SPAST: variants seen among roughly 807,000 people sequenced by gnomAD.
The protein encoded by SPAST is spastin.
In SPAST, 30 loss-of-function variants were observed where a neutral mutation model predicts 76.6. The observed-to-expected ratio is 0.39, with a 90% CI of 0.29 to 0.53. SPAST has a LOEUF of 0.53. SPAST is among the 20% of genes least tolerant of loss of function. The pLI, the probability that SPAST is intolerant of heterozygous loss-of-function variation, is 0.68. For missense variants in SPAST, 717 were observed against 770.5 expected, an observed-to-expected ratio of 0.93 and a Z score of 0.82; for synonymous variants, 305 against 281.0, an observed-to-expected ratio of 1.09 and a Z score of -0.86.
At chr2:32,082,780 T>G (rs182511868) in intron 1 of SPAST, among the ~76,000 whole-genome samples, 236 of 152,328 alleles carry the variant, frequency 1.5e-3, no homozygotes, top group Non-Finnish European at 2.5e-3. Flanking sequence ...ATGTAGCCTT[T>G]TGTGTCTCGC....
chr2:32,126,896 A>T, intron 7 of SPAST, 52 bp from the exon 8 acceptor site: 1 of 1,246,610 alleles, frequency 8.0e-7, no homozygotes, highest in Non-Finnish European at 1.2e-6. Context: ...GGCAAAGAGT[A>T]CTTAAAATGT....
At chr2:32,136,475 TC>T in intron 9 of SPAST, 87 bp from the exon 10 acceptor site, 1 of 985,604 alleles carries the variant, frequency 1.0e-6, no homozygotes, top group Non-Finnish European at 1.6e-6. Flanking sequence ...GAAATTAAAT[TC>T]CTGTGTGCTA....
chr2:32,076,588 G>A (rs533804346), intron 1 of SPAST, among the ~76,000 whole-genome samples: 81 of 152,078 alleles, frequency 5.3e-4, no homozygotes, highest in African/African-American at 1.9e-3. Context: ...ATTAATCAGG[G>A]GCTATTAGTA....
intron 7 of SPAST, among the ~76,000 whole-genome samples, chr2:32,126,044 C>G (rs1435775250): frequency 6.6e-6 from 1 of 152,182 alleles, no homozygotes; most frequent in African/African-American, 2.4e-5. Flanking sequence ...ATCCGCCCGC[C>G]TTGGCCTCCC....
intron 1 of SPAST, among the ~76,000 whole-genome samples, chr2:32,069,388 C>T (rs1676656973): frequency 6.6e-6 from 1 of 151,902 alleles, no homozygotes. Flanking sequence ...ACCTTAGTTC[C>T]AAGAGAATGT....
chr2:32,123,487 C>T (rs1679085462), intron 7 of SPAST, among the ~76,000 whole-genome samples: 1 of 152,130 alleles, frequency 6.6e-6, no homozygotes, highest in Non-Finnish European at 1.5e-5. Context: ...AGTGCAGTCC[C>T]AGTCAAACCC....
At chr2:32,142,502 C>T (rs1225087525) in intron 13 of SPAST, among the ~76,000 whole-genome samples, 15 of 152,138 alleles carry the variant, frequency 9.9e-5, no homozygotes, top group Admixed American at 9.8e-4. Flanking sequence ...GCAACCTTCA[C>T]CTCCTGGGTT....
chr2:32,084,143 A>G (rs1240886422), intron 1 of SPAST, among the ~76,000 whole-genome samples: 1 of 151,716 alleles, frequency 6.6e-6, no homozygotes, highest in Non-Finnish European at 1.5e-5. Flanking sequence ...GTGACAAACT[A>G]TGACTCAATA....
At chr2:32,064,373 C>T (rs1054013132) in intron 1 of SPAST, 127 bp downstream of exon 1, 9 of 834,528 alleles carry the variant, frequency 1.1e-5, no homozygotes, top group South Asian at 8.4e-5. Context: ...TGATATGCCC[C>T]GGGAGACTGC....
At chr2:32,095,747 T>G (rs969761129) in intron 3 of SPAST, among the ~76,000 whole-genome samples, 20 of 150,622 alleles carry the variant, frequency 1.3e-4, no homozygotes, top group Non-Finnish European at 7.4e-5. Context: ...TCAAAGAAAA[T>G]GAAAAGAAAA....
At chr2:32,067,758 CTT>C (rs11285790) in intron 1 of SPAST, among the ~76,000 whole-genome samples, 41 of 140,632 alleles carry the variant, frequency 2.9e-4, no homozygotes, top group Admixed American at 4.3e-4. Context: ...AAGTGATCCT[CTT>C]TTTTTTTTTT....
intron 16 of SPAST, among the ~76,000 whole-genome samples, chr2:32,152,063 CT>C (rs1217742596): frequency 6.6e-6 from 1 of 151,708 alleles, no homozygotes; most frequent in Non-Finnish European, 1.5e-5. Flanking sequence ...TTTTAAGTAC[CT>C]TGTGTATCTA....
chr2:32,096,457 A>G (rs1326259134), intron 3 of SPAST, among the ~76,000 whole-genome samples: 2 of 152,040 alleles, frequency 1.3e-5, no homozygotes, highest in East Asian at 1.9e-4. Context: ...AAAATATTGG[A>G]GCAGTTTCAC....
rs984093965 is a variant in SPAST at position 32,063,718 on chromosome 2, C to A, written c.-114C>A. ...TGCGGCAGTGCGGAGCTCCTGAGAC[C>A]GGCGGGCACACGGGGGTCTGTGGCC... On this transcript the variant is annotated 5_prime_UTR_variant, in exon 1 of 17. Transcript: ENST00000315285. 9 of 1,414,414 alleles carry A rather than the reference C, an allele frequency of 6.4e-6. No individual in the cohort carries two copies. In the African/African-American group the frequency reaches 1.1e-4, roughly 18 times the overall value. 87.6% of individuals were successfully genotyped at this position (1,414,414 alleles called of 1,614,324 possible). A position where few individuals can be genotyped will look rare whatever the true frequency, so the allele number is the denominator to read the frequency against.
chr2:32,110,157 C>T (rs1474077510), intron 4 of SPAST, among the ~76,000 whole-genome samples: 1 of 135,148 alleles, frequency 7.4e-6, no homozygotes, highest in East Asian at 2.1e-4. Context: ...CTTGCCCTGT[C>T]CCCCAGGCTG....
At chr2:32,135,116 T>C (rs1679493061) in intron 9 of SPAST, among the ~76,000 whole-genome samples, 1 of 128,282 alleles carries the variant, frequency 7.8e-6, no homozygotes, top group Admixed American at 7.9e-5. Flanking sequence ...GCTCTGATAA[T>C]TTTGTGTGTG....
intron 1 of SPAST, among the ~76,000 whole-genome samples, chr2:32,082,101 T>C (rs891122712): frequency 1.4e-5 from 2 of 143,360 alleles, no homozygotes; most frequent in Non-Finnish European, 3.0e-5. Flanking sequence ...GCAGCGATTC[T>C]CCTGCCTCAG....
intron 1 of SPAST, among the ~76,000 whole-genome samples, chr2:32,085,043 A>G (rs1387838875): frequency 6.6e-6 from 1 of 152,076 alleles, no homozygotes; most frequent in East Asian, 1.9e-4. Context: ...CACTCAGAAT[A>G]CAAGTGCTAT....
chr2:32,069,885 C>T (rs894789816), intron 1 of SPAST, among the ~76,000 whole-genome samples: 1 of 151,820 alleles, frequency 6.6e-6, no homozygotes, highest in Admixed American at 6.6e-5. Context: ...TAACTGAAAA[C>T]CAATTTATTT....
Sources: allele counts gnomAD v4.1 joint callset (sites outside exome capture counted in the v4.1 genomes callset), GRCh38; gene constraint gnomAD v4.1.1; transcripts MANE v1.5; gene names NCBI Gene and HGNC (gene_info 2026-07-23, HGNC 2026-07-21).